Variants in DLC1 observed in about 807,000 individuals in gnomAD.
The protein encoded by DLC1 is rho GTPase-activating protein 7.
DLC1 carries 54 observed loss-of-function variants against 140.3 expected under a neutral mutation model. The observed-to-expected ratio is 0.38, with a 90% CI of 0.31 to 0.48. The LOEUF is 0.48. Ranked by LOEUF, DLC1 falls within the 20% of genes least tolerant of loss-of-function variation. The probability of loss-of-function intolerance (pLI) is 0.96; values close to 1 mark genes in which losing one functional copy is unlikely to be tolerated. For missense variants in DLC1, 2,536 were observed against 1,907.0 expected (o/e 1.33, Z -6.14); for synonymous variants, 986 against 728.1 (o/e 1.35, Z -5.70).
intron 4 of DLC1, among the ~76,000 whole-genome samples, chr8:13,325,204 G>T (rs1249974781): frequency 6.6e-6 from 1 of 152,166 alleles, no homozygotes; most frequent in African/African-American, 2.4e-5. Flanking sequence ...TAGGCTGTTT[G>T]CTAGTATGGT....
intron 5 of DLC1, among the ~76,000 whole-genome samples, chr8:13,147,577 C>G (rs147349800): frequency 3.9e-5 from 6 of 152,300 alleles, no homozygotes; most frequent in Non-Finnish European, 7.4e-5. Flanking sequence ...TGAAGCAGTT[C>G]TACTCCAACC....
intron 3 of DLC1, among the ~76,000 whole-genome samples, chr8:13,394,779 C>T (rs935155457): frequency 6.6e-6 from 1 of 152,126 alleles, no homozygotes; most frequent in Non-Finnish European, 1.5e-5. Flanking sequence ...TCTTTTAATA[C>T]AGTAAGCTGG....
intron 5 of DLC1, chr8:13,276,158 G>A: frequency 6.9e-7 from 1 of 1,439,214 alleles, no homozygotes; most frequent in Non-Finnish European, 9.2e-7. Flanking sequence ...TCAACCAGCT[G>A]ATGAGATCAT....
At chr8:13,545,868 T>C (rs901083540) in intron 1 of DLC1, among the ~76,000 whole-genome samples, 1 of 152,152 alleles carries the variant, frequency 6.6e-6, no homozygotes, top group African/African-American at 2.4e-5. Flanking sequence ...TCATATTTTA[T>C]GATGATGCAT....
At chr8:13,128,739 G>T (rs1275992081) in intron 5 of DLC1, among the ~76,000 whole-genome samples, 2 of 151,990 alleles carry the variant, frequency 1.3e-5, no homozygotes, top group African/African-American at 4.8e-5. Flanking sequence ...GGAGGCTGGG[G>T]CAGGAGAATG....
intron 2 of DLC1, among the ~76,000 whole-genome samples, chr8:13,432,830 C>T (rs141979933): frequency 3.6e-4 from 55 of 151,798 alleles, no homozygotes; most frequent in African/African-American, 1.2e-3. Flanking sequence ...CATTAGACTG[C>T]GCTGACAAGG....
chr8:13,425,297 G>A (rs900594104), intron 2 of DLC1, among the ~76,000 whole-genome samples: 3 of 152,160 alleles, frequency 2.0e-5, no homozygotes, highest in East Asian at 3.9e-4. Flanking sequence ...AACACAGACA[G>A]CCCTGGAGGG....
At chr8:13,156,509 A>C (rs1824269833) in intron 5 of DLC1, among the ~76,000 whole-genome samples, 1 of 152,188 alleles carries the variant, frequency 6.6e-6, no homozygotes, top group Non-Finnish European at 1.5e-5. Context: ...AAAGCCTGGC[A>C]AAACCTATCA....
Position 13,132,811 on chromosome 8 carries a change from C to T in DLC1, c.1349-17154G>A, listed in dbSNP as rs1331014823. ...CACCACCTCCAAGAAAATCCGGAGA[C>T]TCTGCAGAAAGCGTTTAAAGAGCAC... On this transcript the variant is annotated intron_variant, in intron 5 of 17. Coordinates refer to ENST00000276297, the MANE Select transcript of DLC1 (RefSeq NM_182643.3). The T allele has an allele frequency of 2.7e-5, 31 of 1,141,050 alleles. No homozygotes were observed. In the Admixed American group the frequency reaches 5.6e-4, roughly 21 times the overall value. The allele number at this position is 1,141,050 out of a possible 1,614,324, so 70.7% of individuals were successfully genotyped here. A position where few individuals can be genotyped will look rare whatever the true frequency, so the allele number is the denominator to read the frequency against.
At chr8:13,158,204 A>G (rs975809230) in intron 5 of DLC1, among the ~76,000 whole-genome samples, 1 of 152,194 alleles carries the variant, frequency 6.6e-6, no homozygotes, top group Middle Eastern at 3.2e-3. Context: ...CAATCACCCC[A>G]TATCATCAAG....
At chr8:13,460,659 G>A (rs1159616113) in intron 2 of DLC1, among the ~76,000 whole-genome samples, 2 of 152,316 alleles carry the variant, frequency 1.3e-5, no homozygotes, top group East Asian at 3.9e-4. Flanking sequence ...TGATGGTGTG[G>A]ATCAAAATAA....
intron 5 of DLC1, among the ~76,000 whole-genome samples, chr8:13,223,810 T>G (rs1249549649): frequency 6.6e-6 from 1 of 152,208 alleles, no homozygotes; most frequent in Non-Finnish European, 1.5e-5. Context: ...GCTTCAACTA[T>G]TCCTACCTTC....
In DLC1 at chr8:13,453,860, A is replaced by G. The variant is rs997255078; in HGVS notation, c.1023+45189T>C. Among the ~76,000 whole-genome samples the G allele has an allele frequency of 2.6e-5, 4 of 151,962 alleles. No individual in the cohort carries two copies. In the South Asian group the frequency reaches 6.2e-4, roughly 24 times the overall value. Reference sequence around the variant, plus strand: ...ATGTAAATGTTTCTGATTTATGCATATTGTTTAAGTAAATAAATGTATTTG... The same window carrying G: ...ATGTAAATGTTTCTGATTTATGCATGTTGTTTAAGTAAATAAATGTATTTG... On this transcript the variant is annotated intron_variant, in intron 2 of 17. Coordinates refer to ENST00000276297, the MANE Select transcript of DLC1 (RefSeq NM_182643.3).
intron 7 of DLC1, among the ~76,000 whole-genome samples, chr8:13,109,833 C>G (rs775966985): frequency 6.6e-6 from 1 of 151,552 alleles, no homozygotes; most frequent in Admixed American, 6.6e-5. Flanking sequence ...TGCAGTGAGC[C>G]GAGACCACGC....
chr8:13,332,325 T>C (rs554428279), intron 4 of DLC1, among the ~76,000 whole-genome samples: 78 of 152,292 alleles, frequency 5.1e-4, no homozygotes, highest in Middle Eastern at 3.4e-3. Flanking sequence ...GTTCATTCCC[T>C]GGTTTCAAGA....
In DLC1 at chr8:13,424,320, C is replaced by G. The variant is rs369718017; in HGVS notation, c.1024-22701G>C. On this transcript the variant is annotated intron_variant, in intron 2 of 17. Coordinates refer to ENST00000276297, the MANE Select transcript of DLC1 (RefSeq NM_182643.3). ...CCTGGCCAACATGGTGAAACCCCATCTCTCCTAAAAATACAAAAATTAGCC... is the reference window on the plus strand; with the variant it reads ...CCTGGCCAACATGGTGAAACCCCATGTCTCCTAAAAATACAAAAATTAGCC... 2.3e-4 allele frequency among the ~76,000 whole-genome samples: 35 copies of G among 152,116 alleles called. No individual in the cohort carries two copies. The East Asian group carries it at 2.3e-3, about 10-fold the overall frequency.
intron 5 of DLC1, among the ~76,000 whole-genome samples, chr8:13,247,146 G>A (rs1162205693): frequency 6.6e-6 from 1 of 152,110 alleles, no homozygotes; most frequent in African/African-American, 2.4e-5. Context: ...GAGACAAAAG[G>A]CAAAAATATT....
At chr8:13,415,691 A>T (rs1419387141) in intron 2 of DLC1, among the ~76,000 whole-genome samples, 1 of 152,128 alleles carries the variant, frequency 6.6e-6, no homozygotes, top group African/African-American at 2.4e-5. Flanking sequence ...GAGCCACTGC[A>T]ACCGGCTGAT....
intron 2 of DLC1, among the ~76,000 whole-genome samples, chr8:13,408,110 C>T (rs1212660343): frequency 6.6e-6 from 1 of 151,992 alleles, no homozygotes; most frequent in East Asian, 1.9e-4. Flanking sequence ...ATTTTTATTC[C>T]ACTGTGTTTC....
Sources: allele counts gnomAD v4.1 joint callset (sites outside exome capture counted in the v4.1 genomes callset), GRCh38; gene constraint gnomAD v4.1.1; transcripts MANE v1.5; gene names NCBI Gene and HGNC (gene_info 2026-07-23, HGNC 2026-07-21).